Variants in MELK observed in about 807,000 individuals in gnomAD.
MELK encodes maternal embryonic leucine zipper kinase, also known as pEg3 kinase.
Under a neutral mutation model 85.0 loss-of-function variants are expected in MELK, and 81 were observed. That is an observed-to-expected ratio of 0.95 (90% CI 0.80 to 1.15). The LOEUF (loss-of-function observed/expected upper bound fraction) is 1.15. Ranked by LOEUF, MELK falls within the 50% of genes most tolerant of loss-of-function variation. MELK has a pLI of 0.00. For missense variants in MELK, 754 were observed against 777.5 expected (o/e 0.97, Z 0.36); for synonymous variants, 252 against 265.0 (o/e 0.95, Z 0.48).
chr9:36,642,882 A>G, intron 10 of MELK, 115 bp from the exon 11 acceptor site: 1 of 699,142 alleles, frequency 1.4e-6, no homozygotes, highest in Non-Finnish European at 2.3e-6. Context: ...TGACAGATTC[A>G]TGTTTTACAT....
At chr9:36,633,241 G>C (rs1243802744) in intron 10 of MELK, 41 bp downstream of exon 10, 1 of 1,429,900 alleles carries the variant, frequency 7.0e-7, no homozygotes, top group African/African-American at 1.4e-5. Flanking sequence ...TTTTGACTTT[G>C]TGTGGTCTTT....
intron 8 of MELK, among the ~76,000 whole-genome samples, chr9:36,626,030 C>G (rs1352407833): frequency 6.6e-6 from 1 of 152,076 alleles, no homozygotes; most frequent in Non-Finnish European, 1.5e-5. Flanking sequence ...AATAAGGGTT[C>G]TAGGTTAGAA....
chr9:36,636,782 T>TCTGTCTGTCTGTCTGTCTGTCTG (rs1829220194), intron 10 of MELK, among the ~76,000 whole-genome samples: 21 of 107,676 alleles, frequency 2.0e-4, no homozygotes, highest in African/African-American at 7.3e-4. Context: ...CTTTCTTTCT[T>TCTGTCTGTCTGTCTGTCTGTCTG]TCTGTCTGTC....
At chr9:36,615,461 T>A (rs1587442642) in intron 8 of MELK, among the ~76,000 whole-genome samples, 1 of 113,104 alleles carries the variant, frequency 8.8e-6, no homozygotes, top group South Asian at 3.4e-4. Context: ...CCCACCTCCC[T>A]CCCGGATGGG....
intron 11 of MELK, among the ~76,000 whole-genome samples, chr9:36,643,409 A>G (rs1238184993): frequency 6.6e-6 from 1 of 152,136 alleles, no homozygotes; most frequent in African/African-American, 2.4e-5. Flanking sequence ...AAAAAAATAC[A>G]GCACCAATTT....
intron 10 of MELK, 152 bp downstream of exon 10, chr9:36,633,352 C>T: frequency 1.8e-6 from 1 of 570,098 alleles, no homozygotes; most frequent in Non-Finnish European, 3.0e-6. Flanking sequence ...ACAGTGGTTC[C>T]TTAACCCCAT....
At chr9:36,612,803 A>G (rs1826183083) in intron 8 of MELK, among the ~76,000 whole-genome samples, 1 of 151,980 alleles carries the variant, frequency 6.6e-6, no homozygotes, top group South Asian at 2.1e-4. Context: ...TACATTGGGG[A>G]GTATTCTTTC....
chr9:36,643,066 G>A lies in MELK; in HGVS notation c.904G>A (p.Glu302Lys), dbSNP rs1197275603. 6.2e-7 allele frequency: 1 copy of A among 1,612,600 alleles called. No individual in the cohort carries two copies. Among genetic ancestry groups the A allele is most frequent in the Non-Finnish European group, 8.5e-7 (1 of 1,179,092 alleles). The change falls in exon 11 of 18, where the codon GAG becomes AAG. Residue 302 changes from glutamate to lysine, a missense_variant. Transcript: ENST00000298048. ...VHHRNNRQTMEDLISLWQYDH... is the reference protein window; with the variant it reads ...VHHRNNRQTMKDLISLWQYDH... ...TCACAGAAACAACAGGCAAACAATG[G>A]AGGATTTAATTTCACTGGTAAGAAA...
chr9:36,636,758 TTCTTTCTTTC>T (rs1829200367), intron 10 of MELK, among the ~76,000 whole-genome samples: 1 of 111,626 alleles, frequency 9.0e-6, no homozygotes, highest in Admixed American at 1.0e-4. Flanking sequence ...CTTTCTTTCT[TTCTTTCTTTC>T]TTTCTTTCTT....
At chr9:36,647,144 A>T (rs1830280760) in intron 11 of MELK, among the ~76,000 whole-genome samples, 2 of 152,138 alleles carry the variant, frequency 1.3e-5, no homozygotes, top group South Asian at 4.1e-4. Flanking sequence ...TTGCCTAGGG[A>T]AAAGGAGGGT....
intron 8 of MELK, among the ~76,000 whole-genome samples, chr9:36,615,416 G>T (rs1407113547): frequency 1.6e-5 from 2 of 121,822 alleles, no homozygotes; most frequent in Admixed American, 7.7e-5. Flanking sequence ...CCTCCCTCCC[G>T]GACGGCACGG....
chr9:36,643,739 C>T (rs1829974600), intron 11 of MELK, among the ~76,000 whole-genome samples: 1 of 152,002 alleles, frequency 6.6e-6, no homozygotes, highest in South Asian at 2.1e-4. Flanking sequence ...TCGAGACCAT[C>T]CTGGCTAACA....
chr9:36,580,373 G>A (rs1426626079), intron 1 of MELK, among the ~76,000 whole-genome samples: 1 of 151,954 alleles, frequency 6.6e-6, no homozygotes, highest in African/African-American at 2.4e-5. Context: ...GGGCTGGAGT[G>A]CAATGGCACA....
chr9:36,585,573 C>T (rs1439318156), intron 3 of MELK, among the ~76,000 whole-genome samples: 1 of 152,094 alleles, frequency 6.6e-6, no homozygotes, highest in Admixed American at 6.6e-5. Context: ...TCCTAAAGTG[C>T]TGGGATTACA....
At chr9:36,665,096 T>G (rs1339327236) in intron 13 of MELK, among the ~76,000 whole-genome samples, 3 of 152,230 alleles carry the variant, frequency 2.0e-5, no homozygotes. Flanking sequence ...TTCACAATAT[T>G]GCCTAGGATC....
intron 17 of MELK, 21 bp downstream of exon 17, chr9:36,674,958 C>A (rs1463072000): frequency 6.6e-7 from 1 of 1,505,688 alleles, no homozygotes; most frequent in Admixed American, 1.7e-5. Context: ...CATTTACAAG[C>A]TGTTGCATTT....
At chr9:36,636,768 C>CTT (rs1272500976) in intron 10 of MELK, among the ~76,000 whole-genome samples, 4 of 124,024 alleles carry the variant, frequency 3.2e-5, no homozygotes, top group Non-Finnish European at 6.6e-5. Flanking sequence ...TTCTTTCTTT[C>CTT]TTTCTTTCTT....
At chr9:36,651,040 C>A (rs1048180070) in intron 11 of MELK, among the ~76,000 whole-genome samples, 1 of 152,172 alleles carries the variant, frequency 6.6e-6, no homozygotes, top group Admixed American at 6.6e-5. Context: ...AGCTGATATT[C>A]GGCCAGCATG....
chr9:36,646,253 C>A (rs1285703460), intron 11 of MELK, among the ~76,000 whole-genome samples: 1 of 152,176 alleles, frequency 6.6e-6, no homozygotes, highest in Non-Finnish European at 1.5e-5. Context: ...CTCAGGAAAA[C>A]CAGGTTTGAG....
Sources: gnomAD v4.1 joint callset for allele counts (sites outside exome capture counted in the v4.1 genomes callset) on GRCh38, gnomAD v4.1.1 for gene constraint, MANE v1.5 for transcripts, NCBI Gene and HGNC (gene_info 2026-07-23, HGNC 2026-07-21) for gene names.